MYLK4: variants seen among roughly 807,000 people sequenced by gnomAD.
MYLK4 encodes the protein myosin light chain kinase family member 4.
In MYLK4, 46 loss-of-function variants were observed where a neutral mutation model predicts 48.1. The ratio of observed to expected loss-of-function variants is 0.96; its 90% CI spans 0.75 to 1.22. The LOEUF (loss-of-function observed/expected upper bound fraction) is 1.22. Among genes scored for constraint, MYLK4 ranks in the 50% most tolerant of loss-of-function variants. The pLI, the probability that MYLK4 is intolerant of heterozygous loss-of-function variation, is 0.00. For missense variants in MYLK4, 451 were observed against 486.1 expected, an observed-to-expected ratio of 0.93 and a Z score of 0.68; for synonymous variants, 170 against 180.8, an observed-to-expected ratio of 0.94 and a Z score of 0.48.
upstream of MYLK4, among the ~76,000 whole-genome samples, chr6:2,754,745 A>G (rs994355626): frequency 6.6e-6 from 1 of 152,216 alleles, no homozygotes; most frequent in African/African-American, 2.4e-5. Flanking sequence ...AAAAAACTGA[A>G]CACTTTGTGG....
chr6:2,686,084 AAGAAAG>A (rs1761534185), intron 4 of MYLK4, among the ~76,000 whole-genome samples: 1 of 81,586 alleles, frequency 1.2e-5, no homozygotes, highest in African/African-American at 5.9e-5. Flanking sequence ...AAAAAAAAAG[AAGAAAG>A]AAAGAAAGAA....
the MYLK4 span, chr6:2,766,415 A>G: frequency 3.1e-6 from 5 of 1,596,582 alleles, no homozygotes; most frequent in African/African-American, 1.3e-5. Context: ...CCCCTCGCTT[A>G]TCCTGTGGGG....
the MYLK4 span, chr6:2,765,540 G>A: frequency 7.5e-7 from 1 of 1,334,816 alleles, no homozygotes; most frequent in Non-Finnish European, 9.5e-7. Context: ...CGCGGCGCGG[G>A]GCCTAGCGGA....
chr6:2,694,056 G>A (rs1761921356), intron 2 of MYLK4, among the ~76,000 whole-genome samples: 2 of 152,154 alleles, frequency 1.3e-5, no homozygotes, highest in African/African-American at 4.8e-5. Flanking sequence ...AACATGTCCG[G>A]CTGCAAATGT....
intron 2 of MYLK4, among the ~76,000 whole-genome samples, chr6:2,708,019 A>G (rs1442495682): frequency 6.6e-6 from 1 of 152,190 alleles, no homozygotes; most frequent in South Asian, 2.1e-4. Context: ...TTTCCCCTGG[A>G]TGATTTAATA....
chr6:2,763,709 G>C, the MYLK4 span, among the ~76,000 whole-genome samples: 1 of 152,250 alleles, frequency 6.6e-6, no homozygotes, highest in Admixed American at 6.5e-5. Context: ...CCAGGAAAGA[G>C]CTCCCATAGT....
At chr6:2,747,826 G>GA (rs972884411) in intron 2 of MYLK4, among the ~76,000 whole-genome samples, 2 of 152,130 alleles carry the variant, frequency 1.3e-5, no homozygotes, top group African/African-American at 4.8e-5. Context: ...TTAATAAACA[G>GA]AAAAAATTAT....
intron 3 of MYLK4, 45 bp downstream of exon 3, chr6:2,692,739 G>A (rs747949623): frequency 4.4e-5 from 68 of 1,558,004 alleles, no homozygotes; most frequent in South Asian, 4.2e-4. Flanking sequence ...CTTTTATAAC[G>A]GAACTTTCTT....
intron 2 of MYLK4, among the ~76,000 whole-genome samples, chr6:2,726,887 C>T (rs1266817908): frequency 1.3e-5 from 2 of 152,206 alleles, no homozygotes; most frequent in Admixed American, 6.5e-5. Context: ...GCTGGGATTA[C>T]AGGCGTGAGC....
At chr6:2,765,424 CAGCGGCCGGCCGAG>C in the MYLK4 span, 9 of 533,028 alleles carry the variant, frequency 1.7e-5, no homozygotes, top group Non-Finnish European at 1.4e-5. Context: ...GAGGCGCTGC[CAGCGGCCGGCCGAG>C]GGCGGGCGGA....
At chr6:2,669,964 T>G (rs1312288799) in intron 12 of MYLK4, among the ~76,000 whole-genome samples, 1 of 152,190 alleles carries the variant, frequency 6.6e-6, no homozygotes, top group Non-Finnish European at 1.5e-5. Context: ...ACTGATTCAT[T>G]TCTACCCCAT....
chr6:2,759,409 G>T, the MYLK4 span, among the ~76,000 whole-genome samples: 1 of 152,154 alleles, frequency 6.6e-6, no homozygotes, highest in Non-Finnish European at 1.5e-5. Context: ...GCCCAGCTAA[G>T]ATGTTCTCAA....
the MYLK4 span, among the ~76,000 whole-genome samples, chr6:2,763,276 A>G: frequency 6.6e-5 from 10 of 152,352 alleles, no homozygotes; most frequent in South Asian, 6.2e-4. Context: ...GGCTTCTCCC[A>G]TTAATTTCTG....
At chr6:2,675,527 TA>T (rs1761049178) in intron 10 of MYLK4, among the ~76,000 whole-genome samples, 1 of 152,208 alleles carries the variant, frequency 6.6e-6, no homozygotes, top group Admixed American at 6.5e-5. Context: ...ATTTGTGTAT[TA>T]AAACTTTTGA....
At chr6:2,763,013 G>A in the MYLK4 span, among the ~76,000 whole-genome samples, 80 of 152,258 alleles carry the variant, frequency 5.3e-4, no homozygotes, top group African/African-American at 7.0e-4. Flanking sequence ...AAAGCCAAGC[G>A]GGTCTCCATC....
chr6:2,717,661 G>A (rs545275566), intron 2 of MYLK4, among the ~76,000 whole-genome samples: 34 of 152,232 alleles, frequency 2.2e-4, no homozygotes, highest in Non-Finnish European at 4.4e-4. Context: ...GCAGAAGCTT[G>A]TGGGTAGACA....
intron 12 of MYLK4, among the ~76,000 whole-genome samples, chr6:2,668,138 T>C (rs1424047187): frequency 6.6e-6 from 1 of 151,640 alleles, no homozygotes; most frequent in East Asian, 1.9e-4. Context: ...TTATTTTAGG[T>C]TCAAGGGGTA....
chr6:2,749,098 T>A (rs763377780), intron 2 of MYLK4, 38 bp downstream of exon 2: 1 of 1,581,582 alleles, frequency 6.3e-7, no homozygotes, highest in Non-Finnish European at 8.6e-7. Flanking sequence ...TAAGATAGAA[T>A]GAATACTTTT....
At chr6:2,719,352 A>G (rs1762984550) in intron 2 of MYLK4, among the ~76,000 whole-genome samples, 1 of 152,210 alleles carries the variant, frequency 6.6e-6, no homozygotes, top group South Asian at 2.1e-4. Context: ...GTAAACTGGA[A>G]GGGTAAGGCA....
Sources: allele counts gnomAD v4.1 joint callset (sites outside exome capture counted in the v4.1 genomes callset), GRCh38; gene constraint gnomAD v4.1.1; transcripts MANE v1.5; gene names NCBI Gene and HGNC (gene_info 2026-07-23, HGNC 2026-07-21).